The following ARFGEF3 variants were observed in gnomAD, a reference collection of about 807,000 sequenced individuals.
ARFGEF3 encodes the protein ARFGEF family member 3, also known as brefeldin A-inhibited guanine nucleotide-exchange protein 3.
In ARFGEF3, 96 loss-of-function variants were observed where a neutral mutation model predicts 221.7. The ratio of observed to expected loss-of-function variants is 0.43; its 90% confidence interval spans 0.37 to 0.51. ARFGEF3 has a LOEUF of 0.51. Among genes scored for constraint, ARFGEF3 ranks in the 20% least tolerant of loss-of-function variants. The probability of loss-of-function intolerance (pLI) is 0.00; values close to 1 mark genes in which losing one functional copy is unlikely to be tolerated. For synonymous variants in ARFGEF3, 1,145 were observed against 1,126.8 expected, an observed-to-expected ratio of 1.02 and a Z score of -0.32; for missense variants, 2,410 against 2,789.9, an observed-to-expected ratio of 0.86 and a Z score of 3.07.
At chr6:138,238,443 C>G in intron 5 of ARFGEF3, 66 bp from the exon 6 acceptor site, 1 of 1,546,830 alleles carries the variant, frequency 6.5e-7, no homozygotes, top group African/African-American at 1.4e-5. Flanking sequence ...CTGGTCAATC[C>G]CAAAGAATGT....
chr6:138,270,380 A>G (rs1463686175), intron 12 of ARFGEF3, among the ~76,000 whole-genome samples: 2 of 151,836 alleles, frequency 1.3e-5, no homozygotes, highest in Non-Finnish European at 2.9e-5. Context: ...TCAGGAGTTT[A>G]TATAGACATA....
chr6:138,166,692 A>C (rs1363015986), intron 1 of ARFGEF3, among the ~76,000 whole-genome samples: 1 of 152,184 alleles, frequency 6.6e-6, no homozygotes, highest in Non-Finnish European at 1.5e-5. Flanking sequence ...GGTGGGATGA[A>C]ATAGAATTGC....
At chr6:138,229,647 G>T (rs1309277593) in intron 4 of ARFGEF3, 137 bp from the exon 5 acceptor site, 3 of 659,356 alleles carry the variant, frequency 4.5e-6, no homozygotes, top group Non-Finnish European at 8.2e-6. Flanking sequence ...GCAGTGGGTG[G>T]GATATAAAGA....
chr6:138,167,065 C>T (rs1776737481), intron 1 of ARFGEF3, among the ~76,000 whole-genome samples: 1 of 152,178 alleles, frequency 6.6e-6, no homozygotes, highest in Non-Finnish European at 1.5e-5. Context: ...GCTGGCAGAC[C>T]ATTCTCATTC....
Position 138,229,858 on chromosome 6 carries a change from T to C in ARFGEF3, c.420+6T>C, listed in dbSNP as rs1444798769. ...CCGTGCTGAAGATCGCGGAGGTGAG[T>C]ACTGCTTGTGTCTGTGCCTCCTGTT... On this transcript the variant is annotated splice_donor_region_variant and intron_variant, in intron 5 of 33. Transcript: ENST00000251691. 2 of 1,612,624 alleles carry C rather than the reference T, an allele frequency of 1.2e-6. No individual in the cohort carries two copies. Among genetic ancestry groups the C allele is most frequent in the South Asian group, 1.1e-5 (1 of 91,046 alleles).
chr6:138,223,518 C>T (rs971983705), intron 4 of ARFGEF3, among the ~76,000 whole-genome samples: 19 of 152,128 alleles, frequency 1.2e-4, no homozygotes, highest in African/African-American at 4.6e-4. Flanking sequence ...TTATAAATAA[C>T]ATCTGATATT....
intron 18 of ARFGEF3, among the ~76,000 whole-genome samples, chr6:138,290,698 T>C (rs1779387673): frequency 6.6e-6 from 1 of 152,182 alleles, no homozygotes; most frequent in Non-Finnish European, 1.5e-5. Context: ...CTGGCCACAC[T>C]GTTCCTTCTC....
chr6:138,188,241 A>G (rs1314508115), intron 2 of ARFGEF3, among the ~76,000 whole-genome samples: 1 of 152,078 alleles, frequency 6.6e-6, no homozygotes, highest in African/African-American at 2.4e-5. Context: ...ACAGTGCTGT[A>G]TGTGCTCTTT....
chr6:138,273,968 G>C (rs540487081), intron 12 of ARFGEF3, among the ~76,000 whole-genome samples: 1 of 152,236 alleles, frequency 6.6e-6, no homozygotes, highest in African/African-American at 2.4e-5. Context: ...GCAGATGTAG[G>C]CTGGTACCAA....
At chr6:138,179,518 C>A (rs1445193300) in intron 2 of ARFGEF3, among the ~76,000 whole-genome samples, 1 of 152,116 alleles carries the variant, frequency 6.6e-6, no homozygotes, top group Non-Finnish European at 1.5e-5. Context: ...CCTAGCTGAC[C>A]CTCTGCCTGG....
chr6:138,308,860 G>A lies in ARFGEF3; in HGVS notation c.4095G>A (p.Leu1365=), dbSNP rs192703954. 8 of 1,614,004 alleles carry A rather than the reference G, an allele frequency of 5.0e-6. No individual in the cohort carries two copies. The South Asian group carries it at 6.6e-5, about 13-fold the overall frequency. The change falls in exon 24 of 34, where the codon CTG becomes CTA. Residue 1365 remains leucine (L), a splice_region_variant and synonymous_variant. Transcript: ENST00000251691. The part of the protein sequence containing the change: ...IMCLMKFVKG[L]GEVDCKEIGD... Reference sequence around the variant, plus strand: ...GCCTTATGAAGTTTGTCAAAGGACTGGGTAAGCAGAACCCTTCTCTCATGC... The same window carrying A: ...GCCTTATGAAGTTTGTCAAAGGACTAGGTAAGCAGAACCCTTCTCTCATGC...
rs955493067 is a variant in ARFGEF3 at position 138,319,795 on chromosome 6, G to T, written c.4567G>T (p.Asp1523Tyr). 6.2e-7 allele frequency: 1 copy of T among 1,613,998 alleles called. No individual in the cohort carries two copies. The highest frequency in any genetic ancestry group is 8.5e-7 in the Non-Finnish European group (1 of 1,179,876). ...RRSHKDHSYWDMASANFKHAI... is the reference protein window; with the variant it reads ...RRSHKDHSYWYMASANFKHAI... ...GAGCCATAAAGACCATTCCTACTGGGATATGGCCTCTGCCAATTTCAAGCA... is the reference window on the plus strand; with the variant it reads ...GAGCCATAAAGACCATTCCTACTGGTATATGGCCTCTGCCAATTTCAAGCA... The change falls in exon 28 of 34, where the codon GAT becomes TAT. Residue 1523 changes from aspartate (D) to tyrosine (Y), a missense_variant. This residue lies in a region of ARFGEF3 where 723 missense variants were observed against 991.9 expected (regional missense o/e 0.73). Transcript: ENST00000251691.
chr6:138,297,056 G>T, intron 21 of ARFGEF3, 101 bp downstream of exon 21: 1 of 1,355,388 alleles, frequency 7.4e-7, no homozygotes. Flanking sequence ...AAGCACTGTG[G>T]CCATTGGGCA....
intron 2 of ARFGEF3, among the ~76,000 whole-genome samples, chr6:138,191,403 C>T (rs144591026): frequency 7.2e-5 from 11 of 152,210 alleles, no homozygotes; most frequent in East Asian, 3.9e-4. Flanking sequence ...GGTACTGGCA[C>T]GAAATGGACA....
At chr6:138,166,586 G>A (rs1776727657) in intron 1 of ARFGEF3, among the ~76,000 whole-genome samples, 1 of 152,212 alleles carries the variant, frequency 6.6e-6, no homozygotes, top group Non-Finnish European at 1.5e-5. Context: ...CGTGGCCAGG[G>A]AGTAGAAAGG....
intron 33 of ARFGEF3, 61 bp from the exon 34 acceptor site, chr6:138,336,230 ACTCT>A: frequency 7.7e-7 from 1 of 1,296,774 alleles, no homozygotes; most frequent in Non-Finnish European, 1.0e-6. Context: ...TGGCAGGGCC[ACTCT>A]CAAGTGTTCA....
chr6:138,218,494 A>G, intron 4 of ARFGEF3: 2 of 1,443,226 alleles, frequency 1.4e-6, no homozygotes, highest in Non-Finnish European at 1.8e-6. Flanking sequence ...TTAAGGTCCT[A>G]ACCATCAGCC....
chr6:138,215,881 TGTGTGTGA>T lies in ARFGEF3; in HGVS notation c.351+5841_351+5848del, dbSNP rs1777836648. The T allele has an allele frequency of 2.6e-5, 3 of 115,676 alleles. No individual in the cohort carries two copies. The Admixed American group carries it at 2.8e-4, about 11-fold the overall frequency. The allele number at this position is 115,676 out of a possible 1,614,324, so 7.2% of individuals were successfully genotyped here. On this transcript the variant is annotated intron_variant, in intron 4 of 33. Transcript: ENST00000251691. Reference sequence around the variant, plus strand: ...GTGTGTGTGTGTGTGTGTGTGTGTGTGTGTGTGAAAGAGAGAGAGAGAGAGAGAGAGTG... The same window carrying T: ...GTGTGTGTGTGTGTGTGTGTGTGTGTAAGAGAGAGAGAGAGAGAGAGAGTG...
intron 25 of ARFGEF3, among the ~76,000 whole-genome samples, chr6:138,312,388 A>T (rs1158052816): frequency 3.9e-5 from 6 of 151,982 alleles, no homozygotes; most frequent in Non-Finnish European, 7.4e-5. Context: ...GATAGCATTG[A>T]GCCCATGGCT....
Sources: gnomAD v4.1 joint callset for allele counts (sites outside exome capture counted in the v4.1 genomes callset) on GRCh38, gnomAD v4.1.1 for gene constraint, gnomAD v4.1.1 regional missense constraint, MANE v1.5 for transcripts, NCBI Gene and HGNC (gene_info 2026-07-23, HGNC 2026-07-21) for gene names.